The following PRELID2 variants were observed in gnomAD, a reference collection of about 807,000 sequenced individuals.
PRELID2 encodes the protein PRELI domain-containing protein 2.
A neutral mutation model predicts 28.4 loss-of-function variants in PRELID2; 25 were observed. The ratio of observed to expected loss-of-function variants is 0.88; its 90% CI spans 0.64 to 1.23. PRELID2 has a LOEUF of 1.23. Among genes scored for constraint, PRELID2 ranks in the 50% most tolerant of loss-of-function variants. The pLI is 0.00. For missense variants in PRELID2, 201 were observed against 214.4 expected, an observed-to-expected ratio of 0.94 and a Z score of 0.39; for synonymous variants, 76 against 71.6, an observed-to-expected ratio of 1.06 and a Z score of -0.31.
rs182249060 is a variant in PRELID2 at position 145,702,709 on chromosome 5, G to A, written n.70+62222C>T. 1.9e-3 allele frequency among the ~76,000 whole-genome samples: 288 copies of A among 152,204 alleles called. 1 individual carries two copies. The highest frequency in any genetic ancestry group is 3.6e-3 in the Non-Finnish European group (244 of 68,010). On this transcript the variant is annotated intron_variant and non_coding_transcript_variant, in intron 1 of 2. Transcript: ENST00000510259. Reference sequence around the variant, plus strand: ...TTTTGTGTCAATTGGCCAAAATGAGGTCACAAAAATTTGGCTGCTTCTAAA... The same window carrying A: ...TTTTGTGTCAATTGGCCAAAATGAGATCACAAAAATTTGGCTGCTTCTAAA...
the PRELID2 span, among the ~76,000 whole-genome samples, chr5:145,421,712 G>GT: frequency 4.8e-5 from 7 of 144,722 alleles, no homozygotes; most frequent in African/African-American, 1.3e-4. Flanking sequence ...TTTTTGAAGG[G>GT]TTTTTTTGTC....
intron 1 of PRELID2, among the ~76,000 whole-genome samples, chr5:145,553,182 A>ACC (rs1181624545): frequency 0.022 from 2,309 of 106,564 alleles, 38 homozygotes; most frequent in South Asian, 0.06. Flanking sequence ...TTGCTAGAGG[A>ACC]CCCCCCCCCC....
At chr5:145,481,622 T>TAAAAAAAAAAA (rs1752160032) in intron 1 of PRELID2, among the ~76,000 whole-genome samples, 2 of 2,236 alleles carry the variant, frequency 8.9e-4, no homozygotes, top group East Asian at 0.034. Flanking sequence ...AGCAAGGAAA[T>TAAAAAAAAAAA]CAAAAAAAAA....
At chr5:145,230,179 A>G in the PRELID2 span, 2 of 400,036 alleles carry the variant, frequency 5.0e-6, no homozygotes, top group Non-Finnish European at 9.5e-6. Flanking sequence ...TGGGGCTGCC[A>G]GGCCCCAGCT....
intron 1 of PRELID2, among the ~76,000 whole-genome samples, chr5:145,644,122 G>T (rs1345883882): frequency 6.6e-6 from 1 of 152,088 alleles, no homozygotes; most frequent in African/African-American, 2.4e-5. Context: ...GGTAGAATTC[G>T]GCTGTGAATC....
intron 1 of PRELID2, among the ~76,000 whole-genome samples, chr5:145,626,308 T>A (rs2149655226): frequency 1.3e-5 from 2 of 152,256 alleles, no homozygotes; most frequent in Middle Eastern, 6.8e-3. Flanking sequence ...ATCCAGAATC[T>A]ACAAGGAACT....
At chr5:145,817,220 A>ATATATATATATATATATATATATATATAT (rs1265574987) in intron 4 of PRELID2, among the ~76,000 whole-genome samples, 18 of 66,456 alleles carry the variant, frequency 2.7e-4, no homozygotes, top group Admixed American at 9.6e-4. Flanking sequence ...AATAAAAAAA[A>ATATATATATATATATATATATATATATAT]ATATATATAT....
the PRELID2 span, among the ~76,000 whole-genome samples, chr5:145,392,458 A>T: frequency 6.6e-6 from 1 of 152,188 alleles, no homozygotes; most frequent in Non-Finnish European, 1.5e-5. Flanking sequence ...TGTGAGGATT[A>T]TGGTAACTAC....
the PRELID2 span, among the ~76,000 whole-genome samples, chr5:145,302,209 G>C: frequency 2.0e-5 from 3 of 151,256 alleles, no homozygotes; most frequent in African/African-American, 7.3e-5. Context: ...CCCCAGGCTG[G>C]AGTGCAATGG....
chr5:145,718,318 A>C (rs1581094540), intron 1 of PRELID2, among the ~76,000 whole-genome samples: 1 of 152,072 alleles, frequency 6.6e-6, no homozygotes, highest in Middle Eastern at 3.4e-3. Flanking sequence ...AAATAAAATA[A>C]GCAACAAACT....
chr5:145,760,676 G>A (rs1320579142), intron 6 of PRELID2, among the ~76,000 whole-genome samples, 151 bp from the exon 7 acceptor site: 1 of 152,118 alleles, frequency 6.6e-6, no homozygotes, highest in Non-Finnish European at 1.5e-5. Flanking sequence ...CCCTCCTAAT[G>A]ATCTTCGAAC....
intron 1 of PRELID2, among the ~76,000 whole-genome samples, chr5:145,672,777 C>A (rs958800166): frequency 1.3e-5 from 2 of 152,170 alleles, no homozygotes; most frequent in African/African-American, 2.4e-5. Flanking sequence ...AAATGCGACC[C>A]ATCACCATCA....
rs531929036 is a variant in PRELID2, at chr5:145,589,166, A to G, written n.71-115851T>C. Among the ~76,000 whole-genome samples the G allele has an allele frequency of 7.9e-5, 12 of 152,286 alleles. 1 individual carries two copies. Among genetic ancestry groups the G allele is most frequent in the African/African-American group, 2.9e-4 (12 of 41,576 alleles). ...CCTAACCTTAATTTTCAATGGGTGC[A>G]TAACTGTATTTTTGCATCATCCTTC... is the stretch of plus-strand genomic sequence containing the variant. On this transcript the variant is annotated intron_variant and non_coding_transcript_variant, in intron 1 of 2. Coordinates refer to the PRELID2 transcript ENST00000510259.
At chr5:145,567,490 G>T (rs1752977468) in intron 1 of PRELID2, among the ~76,000 whole-genome samples, 1 of 152,112 alleles carries the variant, frequency 6.6e-6, no homozygotes, top group Non-Finnish European at 1.5e-5. Flanking sequence ...TGATTCTCCT[G>T]CCTCAGCCTC....
At chr5:145,462,603 C>T in the PRELID2 span, among the ~76,000 whole-genome samples, 1 of 152,166 alleles carries the variant, frequency 6.6e-6, no homozygotes, top group Non-Finnish European at 1.5e-5. Flanking sequence ...GCTCTGTGAC[C>T]AAGAAAACTG....
the PRELID2 span, among the ~76,000 whole-genome samples, chr5:145,462,060 T>C: frequency 6.6e-6 from 1 of 152,108 alleles, no homozygotes; most frequent in South Asian, 2.1e-4. Context: ...TGGAGTGTAG[T>C]CTATAGTAGT....
At chr5:145,684,713 A>G (rs1036713959) in intron 1 of PRELID2, among the ~76,000 whole-genome samples, 1 of 152,194 alleles carries the variant, frequency 6.6e-6, no homozygotes, top group Admixed American at 6.5e-5. Flanking sequence ...CTTAACCACC[A>G]TTATCATCCT....
intron 1 of PRELID2, among the ~76,000 whole-genome samples, chr5:145,827,012 C>G (rs916766150): frequency 6.6e-6 from 1 of 152,098 alleles, no homozygotes; most frequent in Non-Finnish European, 1.5e-5. Context: ...CACTGTCTAC[C>G]AATTTACAAA....
chr5:145,584,161 C>A (rs1753131737), intron 1 of PRELID2, among the ~76,000 whole-genome samples: 1 of 152,068 alleles, frequency 6.6e-6, no homozygotes, highest in South Asian at 2.1e-4. Flanking sequence ...TGATCTTTGG[C>A]AAACCTGACA....
Sources: allele counts gnomAD v4.1 joint callset (sites outside exome capture counted in the v4.1 genomes callset), GRCh38; gene constraint gnomAD v4.1.1; transcripts MANE v1.5; gene names NCBI Gene and HGNC (gene_info 2026-07-23, HGNC 2026-07-21).